EPM2A: variants seen among roughly 807,000 people sequenced by gnomAD.
The protein encoded by EPM2A is laforin.
Under a neutral mutation model 26.5 loss-of-function variants are expected in EPM2A, and 21 were observed. The ratio of observed to expected loss-of-function variants is 0.79; its 90% CI spans 0.56 to 1.14. The LOEUF (loss-of-function observed/expected upper bound fraction) is 1.14, where lower values mean the gene tolerates loss of function less well. Among genes scored for constraint, EPM2A ranks in the 50% most tolerant of loss-of-function variants. The pLI is 0.00. For missense variants in EPM2A, 458 were observed against 440.8 expected (o/e 1.04, Z -0.35); for synonymous variants, 217 against 177.6 (o/e 1.22, Z -1.76).
intron 4 of EPM2A, among the ~76,000 whole-genome samples, chr6:145,394,664 C>T (rs112817038): frequency 8.2e-4 from 125 of 152,224 alleles, no homozygotes; most frequent in Non-Finnish European, 1.6e-3. Context: ...TGCCTTGACA[C>T]CCTGTTGTGC....
intron 1 of EPM2A, among the ~76,000 whole-genome samples, chr6:145,708,052 T>A (rs565581819): frequency 6.6e-6 from 1 of 152,208 alleles, no homozygotes; most frequent in Non-Finnish European, 1.5e-5. Flanking sequence ...TAAAGGTCAC[T>A]CTTGCTATGC....
At chr6:145,458,218 G>A (rs1779285545) in intron 4 of EPM2A, among the ~76,000 whole-genome samples, 1 of 152,132 alleles carries the variant, frequency 6.6e-6, no homozygotes, top group African/African-American at 2.4e-5. Flanking sequence ...CCATTCCTCA[G>A]TGCCAATCCT....
At chr6:145,688,033 G>C (rs1459926650) in intron 1 of EPM2A, among the ~76,000 whole-genome samples, 1 of 152,106 alleles carries the variant, frequency 6.6e-6, no homozygotes, top group Non-Finnish European at 1.5e-5. Flanking sequence ...AGAAAATACT[G>C]TAAACCATAT....
intron 2 of EPM2A, among the ~76,000 whole-genome samples, chr6:145,652,366 G>T (rs1204677207): frequency 6.6e-6 from 1 of 151,986 alleles, no homozygotes; most frequent in Non-Finnish European, 1.5e-5. Flanking sequence ...ATTTTCTGAT[G>T]GAAACTGTTG....
At chr6:145,732,848 C>T (rs1776568838) in intron 1 of EPM2A, among the ~76,000 whole-genome samples, 1 of 152,110 alleles carries the variant, frequency 6.6e-6, no homozygotes, top group African/African-American at 2.4e-5. Flanking sequence ...ACCATATGTC[C>T]TCTTGTAAGT....
chr6:145,565,550 C>T (rs1445661656), intron 2 of EPM2A, among the ~76,000 whole-genome samples: 2 of 152,328 alleles, frequency 1.3e-5, no homozygotes, highest in African/African-American at 4.8e-5. Flanking sequence ...TGCCAACCTC[C>T]TTCCTGAGCA....
chr6:145,735,201 C>A lies in EPM2A; in HGVS notation c.298G>T (p.Glu100Ter), dbSNP rs1454552122. 2 of 1,519,690 alleles carry A rather than the reference C, an allele frequency of 1.3e-6. No individual in the cohort carries two copies. The highest frequency in any genetic ancestry group is 2.4e-5 in the South Asian group (2 of 81,948). 94.1% of individuals were successfully genotyped at this position (1,519,690 alleles called of 1,614,324 possible). ...KREPGGELSW[E>*]GNGPHHDRCC... is the part of the protein sequence containing the mutation. Reference sequence around the variant, plus strand: ...GGCAGGCGTCTGCTGGCAATACCTTCCCAGGAGAGCTCTCCTCCCGGCTCC... The same window carrying A: ...GGCAGGCGTCTGCTGGCAATACCTTACCAGGAGAGCTCTCCTCCCGGCTCC... Residue 100 changes from glutamate (E) to a stop codon, truncating the protein, a stop_gained, in exon 1 of 4, where the codon GAA becomes TAA. Transcript: ENST00000367519. LOFTEE classifies it high-confidence loss of function.
chr6:145,504,333 A>G (rs200424049), intron 2 of EPM2A, among the ~76,000 whole-genome samples: 3,791 of 68,796 alleles, frequency 0.055, 52 homozygotes, highest in Middle Eastern at 0.08. Flanking sequence ...GAAAATTTTC[A>G]CAACCTACTC....
At chr6:145,640,776 A>C (rs1198119473) in intron 2 of EPM2A, 1 of 152,158 alleles carries the variant, frequency 6.6e-6, no homozygotes, top group Non-Finnish European at 1.5e-5. Context: ...ACCTCTAGTA[A>C]GCTCCAGGCT....
rs539154930 is a variant in EPM2A, at chr6:145,522,205, G to T, written c.341-19630C>A. ...CTGACTTCGTGATCCGCCTGCCTCA[G>T]CCTCCCAAAGTGCTGGGATTACAGG... is the stretch of plus-strand genomic sequence containing the variant. On this transcript the variant is annotated intron_variant, in intron 2 of 3. Transcript: ENST00000450221. 8.5e-5 allele frequency among the ~76,000 whole-genome samples: 13 copies of T among 152,276 alleles called. No homozygotes were observed. The East Asian group carries it at 2.3e-3, about 27-fold the overall frequency.
intron 2 of EPM2A, among the ~76,000 whole-genome samples, chr6:145,662,665 G>A (rs75634794): frequency 0.015 from 2,354 of 152,240 alleles, 27 homozygotes; most frequent in South Asian, 0.027. Flanking sequence ...TATATCAGGG[G>A]TAAATGGGAT....
At chr6:145,548,324 T>C (rs1244985079) in intron 2 of EPM2A, among the ~76,000 whole-genome samples, 1 of 152,138 alleles carries the variant, frequency 6.6e-6, no homozygotes, top group Non-Finnish European at 1.5e-5. Flanking sequence ...AAACATTTGC[T>C]CTCTAACTTC....
chr6:145,506,291 C>A (rs1295346747), intron 2 of EPM2A, among the ~76,000 whole-genome samples: 1 of 152,134 alleles, frequency 6.6e-6, no homozygotes, highest in Non-Finnish European at 1.5e-5. Context: ...TATTACATAA[C>A]CTTTGCAAAG....
intron 2 of EPM2A, among the ~76,000 whole-genome samples, chr6:145,602,651 C>A (rs1331412450): frequency 1.3e-5 from 2 of 152,164 alleles, no homozygotes; most frequent in Non-Finnish European, 2.9e-5. Context: ...TTTAATTCCT[C>A]CCAGAGTGCC....
intron 2 of EPM2A, among the ~76,000 whole-genome samples, chr6:145,506,932 C>T (rs756515675): frequency 6.6e-6 from 1 of 152,140 alleles, no homozygotes; most frequent in African/African-American, 2.4e-5. Flanking sequence ...GCTGTGAACA[C>T]CATGGAGAGC....
rs200590979 is a variant in EPM2A, at chr6:145,488,522, T to TGA, written c.555+13998_555+13999dup. Among the ~76,000 whole-genome samples the TGA allele has an allele frequency of 8.1e-3, 1,130 of 139,982 alleles. 15 individuals carry two copies. Among genetic ancestry groups the TGA allele is most frequent in the African/African-American group, 0.022 (773 of 35,658 alleles). The allele number at this position is 139,982 out of a possible 152,430, so 91.8% of individuals were successfully genotyped here. A position where few individuals can be genotyped will look rare whatever the true frequency, so the allele number is the denominator to read the frequency against. ...GTGTGTGTGTGTGTGTGTGTGTGTG[T>TGA]GAGAGAGAGAGAGAGAGAGAGAGAG... On this transcript the variant is annotated intron_variant, in intron 4 of 4. Coordinates refer to the EPM2A transcript ENST00000638717.
intron 1 of EPM2A, among the ~76,000 whole-genome samples, chr6:145,699,685 T>C (rs1489392875): frequency 6.6e-6 from 1 of 152,190 alleles, no homozygotes; most frequent in Non-Finnish European, 1.5e-5. Context: ...GCCCATAGGA[T>C]GTCCATATTA....
intron 1 of EPM2A, among the ~76,000 whole-genome samples, chr6:145,718,940 C>T (rs991119171): frequency 6.6e-6 from 1 of 152,152 alleles, no homozygotes; most frequent in East Asian, 1.9e-4. Context: ...CTCACACCAG[C>T]TACAATGGCA....
intron 4 of EPM2A, among the ~76,000 whole-genome samples, chr6:145,400,461 A>G (rs1856260): frequency 0.38 from 56,984 of 151,946 alleles, 10,967 homozygotes; most frequent in South Asian, 0.46. Context: ...TCTACTGATG[A>G]TTTCCATCAA....
Sources: gnomAD v4.1 joint callset for allele counts (sites outside exome capture counted in the v4.1 genomes callset) on GRCh38, gnomAD v4.1.1 for gene constraint, MANE v1.5 for transcripts, NCBI Gene and HGNC (gene_info 2026-07-23, HGNC 2026-07-21) for gene names.